The following ITGAM variants were observed in gnomAD, a reference collection of about 807,000 sequenced individuals.
ITGAM encodes integrin alpha-M.
Under a neutral mutation model 137.5 loss-of-function variants are expected in ITGAM, and 79 were observed. The observed-to-expected ratio is 0.57, with a 90% CI of 0.48 to 0.69. The LOEUF (loss-of-function observed/expected upper bound fraction) is 0.69. Among genes scored for constraint, ITGAM ranks in the 30% least tolerant of loss-of-function variants. The pLI, the probability that ITGAM is intolerant of heterozygous loss-of-function variation, is 0.00. For synonymous variants in ITGAM, 583 were observed against 592.3 expected (o/e 0.98, Z 0.23); for missense variants, 1,343 against 1,483.5 (o/e 0.91, Z 1.56).
intron 5 of ITGAM, among the ~76,000 whole-genome samples, chr16:31,270,038 C>T (rs1293870166): frequency 1.3e-5 from 2 of 152,122 alleles, no homozygotes; most frequent in East Asian, 1.9e-4. Context: ...GAGCACATTC[C>T]ACATCACTTT....
At chr16:31,273,297 T>TAA (rs201225943) in intron 7 of ITGAM, 68 bp from the exon 8 acceptor site, 21,920 of 1,174,526 alleles carry the variant, frequency 0.019, no homozygotes, top group East Asian at 0.037. Context: ...GTCTATTTCT[T>TAA]AAAAAAAAAA....
intron 14 of ITGAM, among the ~76,000 whole-genome samples, chr16:31,313,112 G>A (rs2080353185): frequency 6.6e-6 from 1 of 152,054 alleles, no homozygotes; most frequent in African/African-American, 2.4e-5. Flanking sequence ...CAGCTACTTG[G>A]GAGGCTGAGG....
intron 14 of ITGAM, among the ~76,000 whole-genome samples, chr16:31,319,699 T>C (rs2080427970): frequency 6.6e-6 from 1 of 152,224 alleles, no homozygotes; most frequent in African/African-American, 2.4e-5. Flanking sequence ...ATTTTGTTAA[T>C]TGTTTTCTGT....
Position 31,317,780 on chromosome 16 carries a change from C to A in ITGAM, c.1708-3461C>A, listed in dbSNP as rs961094835. Among the ~76,000 whole-genome samples, 5 of 152,134 alleles carry A rather than the reference C, an allele frequency of 3.3e-5. No homozygotes were observed. The South Asian group carries it at 1.0e-3, about 32-fold the overall frequency. On this transcript the variant is annotated intron_variant, in intron 14 of 29. Transcript: ENST00000544665. ...AGGAATAAAGCCCACATGGTCATGG[C>A]GTATGACCCTTTTGTGCTATTGAAT...
At chr16:31,330,851 A>G (rs2080572097) in intron 28 of ITGAM, among the ~76,000 whole-genome samples, 1 of 140,854 alleles carries the variant, frequency 7.1e-6, no homozygotes, top group Non-Finnish European at 1.5e-5. Context: ...AGAGATAGAG[A>G]CAGAGACAGT....
rs1015910685 is a variant in ITGAM, at chr16:31,329,019, CGT to C, written c.2793-201_2793-200del. ...GTGCTCATGGGTGTGCATTTGTGCA[CGT>C]GTGTGTGAGTGGCCCAAATGGGCAC... On this transcript the variant is annotated intron_variant, in intron 23 of 29. Transcript: ENST00000544665. 55 of 625,464 alleles carry C rather than the reference CGT, an allele frequency of 8.8e-5. No homozygotes were observed. In the Admixed American group the frequency reaches 1.2e-3, roughly 14 times the overall value. The allele number at this position is 625,464 out of a possible 1,614,324, so 38.7% of individuals were successfully genotyped here.
At chr16:31,267,191 C>T (rs904347848) in intron 5 of ITGAM, among the ~76,000 whole-genome samples, 2 of 152,134 alleles carry the variant, frequency 1.3e-5, no homozygotes, top group African/African-American at 4.8e-5. Context: ...GGCCAGAGTG[C>T]GTGGATCTTT....
intron 14 of ITGAM, among the ~76,000 whole-genome samples, chr16:31,312,171 A>G (rs1218327041): frequency 6.7e-6 from 1 of 149,518 alleles, no homozygotes; most frequent in African/African-American, 2.5e-5. Context: ...GCATTAGGAG[A>G]TATACCTAAT....
intron 22 of ITGAM, among the ~76,000 whole-genome samples, chr16:31,327,619 T>A (rs77769416): frequency 1.1e-4 from 17 of 149,416 alleles, no homozygotes; most frequent in Admixed American, 6.0e-4. Flanking sequence ...ATAATAATAA[T>A]AAAAAATAAA....
At chr16:31,282,102 G>C (rs563643765) in intron 12 of ITGAM, among the ~76,000 whole-genome samples, 1 of 152,138 alleles carries the variant, frequency 6.6e-6, no homozygotes, top group African/African-American at 2.4e-5. Context: ...TATAATTTCT[G>C]TTCTTTTACA....
In ITGAM at chr16:31,331,976, CGTGTGTCCAT is replaced by C. The variant is rs969867464; in HGVS notation, c.*276_*285del. On this transcript the variant is annotated 3_prime_UTR_variant, in exon 30 of 30. Coordinates refer to ENST00000544665, the MANE Select transcript of ITGAM (RefSeq NM_000632.4). The stretch of plus-strand genomic sequence containing the variant: ...ATGTGAGTGTGTCCAAGTGTGTGTG[CGTGTGTCCAT>C]GTGTGTGCAAGTGTGTGCATGTGTG... 2.1e-5 allele frequency: 11 copies of C among 513,964 alleles called. No individual in the cohort carries two copies. The highest frequency in any genetic ancestry group is 5.9e-5 in the African/African-American group (3 of 50,524). 31.8% of individuals were successfully genotyped at this position (513,964 alleles called of 1,614,324 possible).
chr16:31,277,214 G>A (rs1241514635), intron 11 of ITGAM, among the ~76,000 whole-genome samples, 165 bp downstream of exon 11: 1 of 150,714 alleles, frequency 6.6e-6, no homozygotes, highest in Non-Finnish European at 1.5e-5. Flanking sequence ...TTTTTTTTTT[G>A]AGGTGGAGTT....
At chr16:31,265,565 C>G in intron 3 of ITGAM, 67 bp downstream of exon 3, 10 of 1,065,220 alleles carry the variant, frequency 9.4e-6, no homozygotes, top group Non-Finnish European at 1.1e-5. Flanking sequence ...TTTCCAGGCA[C>G]TCCTGTGTCC....
At chr16:31,280,001 T>C (rs1005677174) in intron 12 of ITGAM, among the ~76,000 whole-genome samples, 17 of 140,250 alleles carry the variant, frequency 1.2e-4, no homozygotes, top group African/African-American at 4.1e-4. Context: ...GGGAATCCTT[T>C]CCCCATTTCT....
At chr16:31,315,695 G>T (rs2080383960) in intron 14 of ITGAM, among the ~76,000 whole-genome samples, 3 of 151,956 alleles carry the variant, frequency 2.0e-5, no homozygotes, top group Admixed American at 1.3e-4. Context: ...CTGATCTAAG[G>T]TAATCCACCC....
intron 11 of ITGAM, among the ~76,000 whole-genome samples, chr16:31,277,708 G>A (rs1485400480): frequency 1.3e-5 from 2 of 151,976 alleles, no homozygotes; most frequent in African/African-American, 2.4e-5. Flanking sequence ...GGCCAGGCTC[G>A]TCTGGAACTC....
chr16:31,323,160 G>A (rs886717450), intron 16 of ITGAM, among the ~76,000 whole-genome samples: 18 of 152,138 alleles, frequency 1.2e-4, no homozygotes, highest in East Asian at 3.9e-4. Context: ...GGCCAGTCAC[G>A]GTGGCTCACG....
chr16:31,296,266 T>C (rs1348160982), intron 12 of ITGAM, among the ~76,000 whole-genome samples: 1 of 113,752 alleles, frequency 8.8e-6, no homozygotes, highest in Admixed American at 8.6e-5. Flanking sequence ...CACCATGCCC[T>C]GCTAATTTTT....
chr16:31,297,871 G>A lies in ITGAM; in HGVS notation c.1624G>A (p.Ala542Thr). 6.2e-7 allele frequency: 1 copy of A among 1,614,000 alleles called. No homozygotes were observed. ...GDKLTDVAIG[A>T]PGEEDNRGAV... The stretch of plus-strand genomic sequence containing the variant: ...CAAGCTGACGGACGTGGCCATTGGG[G>A]CCCCAGGAGAGGAGGACAACCGGGG... The change falls in exon 14 of 30, where the codon GCC becomes ACC. Residue 542 changes from alanine (A) to threonine (T), a missense_variant. By Grantham distance (58) the Ala-to-Thr change is moderately conservative. Coordinates refer to ENST00000544665, the MANE Select transcript of ITGAM (RefSeq NM_000632.4).
Sources: gnomAD v4.1 joint callset for allele counts (sites outside exome capture counted in the v4.1 genomes callset) on GRCh38, gnomAD v4.1.1 for gene constraint, MANE v1.5 for transcripts, NCBI Gene and HGNC (gene_info 2026-07-23, HGNC 2026-07-21) for gene names.